TEKT5: variants seen among roughly 807,000 people sequenced by gnomAD.
The protein encoded by TEKT5 is tektin 5, also known as tektin-5.
TEKT5 carries 52 observed loss-of-function variants against 48.7 expected under a neutral mutation model. That is an observed-to-expected ratio of 1.07 (90% CI 0.86 to 1.35). TEKT5 has a LOEUF of 1.35. Ranked by LOEUF, TEKT5 falls within the 40% of genes most tolerant of loss-of-function variation. The probability of loss-of-function intolerance (pLI) is 0.00; values close to 1 mark genes in which losing one functional copy is unlikely to be tolerated. For missense variants in TEKT5, 831 were observed against 641.6 expected, an observed-to-expected ratio of 1.30 and a Z score of -3.19; for synonymous variants, 318 against 267.6, an observed-to-expected ratio of 1.19 and a Z score of -1.84.
chr16:10,688,881 T>G (rs980923343), intron 3 of TEKT5, among the ~76,000 whole-genome samples: 4 of 152,102 alleles, frequency 2.6e-5, no homozygotes, highest in Non-Finnish European at 5.9e-5. Flanking sequence ...GGTTCAGAAC[T>G]CAAATGGGGA....
At chr16:10,671,527 A>ATAAC (rs1898548459) in intron 5 of TEKT5, among the ~76,000 whole-genome samples, 1 of 152,212 alleles carries the variant, frequency 6.6e-6, no homozygotes, top group Admixed American at 6.5e-5. Flanking sequence ...AGTGAAATTA[A>ATAAC]CCAGTCACAG....
chr16:10,652,716 CA>C (rs1319324377), intron 5 of TEKT5, among the ~76,000 whole-genome samples: 1 of 108,434 alleles, frequency 9.2e-6, no homozygotes. Context: ...CACACACACA[CA>C]CACACACCCT....
intron 4 of TEKT5, among the ~76,000 whole-genome samples, chr16:10,677,729 C>T (rs1898672948): frequency 1.0e-5 from 1 of 96,436 alleles, no homozygotes; most frequent in South Asian, 3.3e-4. Context: ...CATGGTTGAC[C>T]AGTGTGTCTG....
intron 4 of TEKT5, among the ~76,000 whole-genome samples, chr16:10,677,270 A>G (rs1898663934): frequency 1.0e-5 from 1 of 99,666 alleles, no homozygotes; most frequent in African/African-American, 6.8e-5. Flanking sequence ...TGTAAACGGG[A>G]ATAGATGGAA....
At chr16:10,672,878 G>C (rs1324666678) in intron 5 of TEKT5, among the ~76,000 whole-genome samples, 1 of 147,624 alleles carries the variant, frequency 6.8e-6, no homozygotes, top group African/African-American at 2.5e-5. Context: ...TTTGAGACAA[G>C]ATCTTGCTCT....
At chr16:10,678,354 C>T (rs1365378656) in intron 4 of TEKT5, among the ~76,000 whole-genome samples, 2 of 152,158 alleles carry the variant, frequency 1.3e-5, no homozygotes, top group South Asian at 2.1e-4. Context: ...ACCTCAGCCT[C>T]CCAAAGTGCT....
chr16:10,663,152 G>T (rs1262394126), intron 5 of TEKT5, among the ~76,000 whole-genome samples: 1 of 152,140 alleles, frequency 6.6e-6, no homozygotes, highest in East Asian at 1.9e-4. Flanking sequence ...GTCTGCCTCA[G>T]ATAAAACCAA....
chr16:10,676,328 G>T, intron 4 of TEKT5, 147 bp from the exon 5 acceptor site: 1 of 776,264 alleles, frequency 1.3e-6, no homozygotes, highest in African/African-American at 1.7e-5. Context: ...CAGCATCCCT[G>T]GCCTCTACCC....
rs571224699 is a variant in TEKT5, at chr16:10,637,355, A to T, written c.1087-1437T>A. ...CCAGCCCGCTTTAAAAAAAAAAAAA[A>T]TCCAGAGTTTACCCTCTTAATAACT... On this transcript the variant is annotated intron_variant, in intron 5 of 6. Coordinates refer to ENST00000283025, the MANE Select transcript of TEKT5 (RefSeq NM_144674.2). 9.9e-5 allele frequency among the ~76,000 whole-genome samples: 15 copies of T among 151,354 alleles called. No individual in the cohort carries two copies. In the East Asian group the frequency reaches 2.9e-3, roughly 29 times the overall value.
chr16:10,652,834 C>A (rs1898189477), intron 5 of TEKT5, among the ~76,000 whole-genome samples: 1 of 92,632 alleles, frequency 1.1e-5, no homozygotes, highest in East Asian at 3.3e-4. Context: ...TATACACAGG[C>A]AGACACACAC....
chr16:10,694,075 C>T (rs927544306), intron 1 of TEKT5, among the ~76,000 whole-genome samples: 1 of 152,202 alleles, frequency 6.6e-6, no homozygotes, highest in Non-Finnish European at 1.5e-5. Flanking sequence ...CATGAAACCC[C>T]TGCAACTTTG....
intron 5 of TEKT5, among the ~76,000 whole-genome samples, chr16:10,640,625 T>G (rs1262478420): frequency 6.6e-6 from 1 of 152,194 alleles, no homozygotes; most frequent in Non-Finnish European, 1.5e-5. Context: ...CCATCTCTCC[T>G]GCCTCCGCCT....
At chr16:10,694,221 G>C in intron 1 of TEKT5, 89 bp downstream of exon 1, 3 of 1,382,392 alleles carry the variant, frequency 2.2e-6, no homozygotes, top group Non-Finnish European at 2.9e-6. Context: ...CAAGGTGCCT[G>C]CCACCTTCAT....
intron 5 of TEKT5, among the ~76,000 whole-genome samples, chr16:10,645,734 G>A (rs1030792292): frequency 1.3e-5 from 2 of 152,252 alleles, no homozygotes; most frequent in East Asian, 1.9e-4. Context: ...CCTGGGAGGC[G>A]GAGGTTGCAG....
Position 10,676,058 on chromosome 16 carries a change from A to G in TEKT5, c.987T>C (p.Asp329=). 6.2e-7 allele frequency: 1 copy of G among 1,614,176 alleles called. No homozygotes were observed. Among genetic ancestry groups the G allele is most frequent in the Non-Finnish European group, 8.5e-7 (1 of 1,180,034 alleles). Residue 329 remains aspartate (D), a synonymous_variant, in exon 5 of 7, where the codon GAT becomes GAC. Coordinates refer to ENST00000283025, the MANE Select transcript of TEKT5 (RefSeq NM_144674.2). ...TGTCTGTGAACTGCCTCCACATCTG[A>G]TCCGACAAGGTCTCAAAGAGGTGCT... ...EAEHLFETLS[D]QMWRQFTDTN... is the part of the protein sequence containing the mutation.
chr16:10,666,599 G>A (rs1301942957), intron 5 of TEKT5, among the ~76,000 whole-genome samples: 1 of 152,218 alleles, frequency 6.6e-6, no homozygotes, highest in Non-Finnish European at 1.5e-5. Context: ...AATTACTCAG[G>A]CCACAACTTC....
chr16:10,670,810 A>T (rs1171029145), intron 5 of TEKT5, among the ~76,000 whole-genome samples: 1 of 152,134 alleles, frequency 6.6e-6, no homozygotes, highest in Non-Finnish European at 1.5e-5. Context: ...GTCTGTAGTG[A>T]TGAGGTTGTT....
At chr16:10,649,841 G>A (rs192389935) in intron 5 of TEKT5, among the ~76,000 whole-genome samples, 19 of 152,262 alleles carry the variant, frequency 1.2e-4, no homozygotes, top group African/African-American at 4.3e-4. Context: ...GCATTCCTGC[G>A]CTTGGTACGT....
At chr16:10,660,496 C>T (rs1017074220) in intron 5 of TEKT5, among the ~76,000 whole-genome samples, 1 of 152,258 alleles carries the variant, frequency 6.6e-6, no homozygotes, top group East Asian at 1.9e-4. Context: ...CCCAGACCCC[C>T]ACTCAGAACC....
Sources: allele counts gnomAD v4.1 joint callset (sites outside exome capture counted in the v4.1 genomes callset), GRCh38; gene constraint gnomAD v4.1.1; transcripts MANE v1.5; gene names NCBI Gene and HGNC (gene_info 2026-07-23, HGNC 2026-07-21).